The following GCG variants were observed in gnomAD, a reference collection of about 807,000 sequenced individuals.
GCG encodes glucagon, also known as pro-glucagon.
A neutral mutation model predicts 22.8 loss-of-function variants in GCG; 11 were observed. That is an observed-to-expected ratio of 0.48 (90% CI 0.30 to 0.80). The LOEUF (loss-of-function observed/expected upper bound fraction) is 0.80, where lower values mean the gene tolerates loss of function less well. Ranked by LOEUF, GCG falls within the 30% of genes least tolerant of loss-of-function variation. GCG has a pLI of 0.06. For synonymous variants in GCG, 89 were observed against 72.4 expected (o/e 1.23, Z -1.16); for missense variants, 222 against 222.0 (o/e 1.00, Z 0.00).
chr2:162,149,381 G>C (rs1208438341), intron 1 of GCG, among the ~76,000 whole-genome samples, 194 bp from the exon 2 acceptor site: 1 of 151,682 alleles, frequency 6.6e-6, no homozygotes. Context: ...AGATTTTTTG[G>C]AGGCAAAAAA....
intron 2 of GCG, among the ~76,000 whole-genome samples, chr2:162,147,934 A>C (rs1210658970): frequency 6.6e-6 from 1 of 152,118 alleles, no homozygotes; most frequent in African/African-American, 2.4e-5. Context: ...TGAAAACAGC[A>C]CAATTATCTA....
chr2:162,149,577 C>A (rs367662818), intron 1 of GCG, among the ~76,000 whole-genome samples: 1 of 152,110 alleles, frequency 6.6e-6, no homozygotes, highest in Non-Finnish European at 1.5e-5. Flanking sequence ...CATGCCACCC[C>A]CCTCACTATC....
intron 2 of GCG, 198 bp from the exon 3 acceptor site, chr2:162,147,712 A>T (rs74595309): frequency 2.4e-5 from 15 of 636,304 alleles, no homozygotes; most frequent in Non-Finnish European, 3.9e-5. Flanking sequence ...ATACGCTATT[A>T]TTCTGAATTC....
Position 162,147,478 on chromosome 2 carries a change from A to T in GCG, c.129T>A (p.Asp43Glu), listed in dbSNP as rs747188071. Residue 43 changes from aspartate to glutamate, a missense_variant, in exon 3 of 6, where the codon GAT (aspartate) becomes GAA (glutamate). Asp to Glu is a conservative substitution (Grantham distance 45). Coordinates refer to ENST00000418842, the MANE Select transcript of GCG (RefSeq NM_002054.5). ...GCTTGTCCTCGTTCATCTGATCAGG[A>T]TCACTGAGTGGGTCTGCCTGGGAAG... ...FSASQADPLSDPDQMNEDKRH... is the reference protein window; with the variant it reads ...FSASQADPLSEPDQMNEDKRH... The T allele has an allele frequency of 8.1e-6, 13 of 1,613,100 alleles. No homozygotes were observed. The highest frequency in any genetic ancestry group is 1.0e-5 in the Non-Finnish European group (12 of 1,179,388).
At chr2:162,146,302 A>T (rs559868421) in intron 3 of GCG, among the ~76,000 whole-genome samples, 1 of 152,238 alleles carries the variant, frequency 6.6e-6, no homozygotes, top group South Asian at 2.1e-4. Flanking sequence ...ACACTGCTTG[A>T]GTGTGAGGAT....
At chr2:162,143,923 G>T in intron 5 of GCG, 104 bp downstream of exon 5, 1 of 866,964 alleles carries the variant, frequency 1.2e-6, no homozygotes, top group South Asian at 1.4e-5. Flanking sequence ...TATATAATAA[G>T]AGATTATAGA....
At chr2:162,148,911 C>G (rs533094334) in intron 2 of GCG, among the ~76,000 whole-genome samples, 176 bp downstream of exon 2, 7 of 145,268 alleles carry the variant, frequency 4.8e-5, no homozygotes, top group Admixed American at 4.8e-4. Flanking sequence ...ATAAAAAACA[C>G]AAACTCTGAT....
chr2:162,147,246 C>T, intron 3 of GCG, 107 bp downstream of exon 3: 1 of 823,162 alleles, frequency 1.2e-6, no homozygotes, highest in Admixed American at 2.1e-5. Flanking sequence ...ATGATCAGGG[C>T]TTATGGGCAC....
rs1279453293 is a variant in GCG, at chr2:162,147,352, C to T, written c.254+1G>A. 2.5e-6 allele frequency: 4 copies of T among 1,611,144 alleles called. No individual in the cohort carries two copies. The South Asian group carries it at 3.3e-5, about 13-fold the overall frequency. ...GTTTTGAGCCAGGCTTAGACTCTTA[C>T]CTGTTCCTCTTGGTATTCATCAACC... On this transcript the variant is annotated splice_donor_variant, in intron 3 of 5. Coordinates refer to ENST00000418842, the MANE Select transcript of GCG (RefSeq NM_002054.5). LOFTEE classifies it high-confidence loss of function.
intron 4 of GCG, 162 bp downstream of exon 4, chr2:162,145,378 A>G: frequency 1.7e-6 from 1 of 590,248 alleles, no homozygotes; most frequent in Non-Finnish European, 2.7e-6. Context: ...CAAAAACAAA[A>G]TGGGTTTAAC....
chr2:162,145,773 T>A, intron 3 of GCG, 96 bp from the exon 4 acceptor site: 1 of 962,692 alleles, frequency 1.0e-6, no homozygotes, highest in Non-Finnish European at 1.6e-6. Flanking sequence ...GGATTCTATG[T>A]AGAAGGGGCT....
intron 3 of GCG, among the ~76,000 whole-genome samples, chr2:162,146,538 T>TTC (rs59717414): frequency 0.16 from 21,789 of 133,122 alleles, 1,886 homozygotes; most frequent in Middle Eastern, 0.24. Context: ...TGCTTGCTTG[T>TTC]TCTCTCTCTC....
chr2:162,151,595 A>T (rs1163156759), intron 1 of GCG, among the ~76,000 whole-genome samples: 1 of 152,162 alleles, frequency 6.6e-6, no homozygotes, highest in African/African-American at 2.4e-5. Flanking sequence ...CTCTGCACCA[A>T]GTACGCTATG....
At chr2:162,146,325 A>G (rs1297763611) in intron 3 of GCG, among the ~76,000 whole-genome samples, 1 of 152,090 alleles carries the variant, frequency 6.6e-6, no homozygotes, top group Admixed American at 6.6e-5. Context: ...CTTTACATCC[A>G]TTTACCAAGT....
rs374898963 is a variant in GCG, at chr2:162,147,334, G to T, written c.254+19C>A. On this transcript the variant is annotated intron_variant, in intron 3 of 5. Transcript: ENST00000418842. ...TAATACATTTATAAGCAAGTTTTGA[G>T]CCAGGCTTAGACTCTTACCTGTTCC... 1.3e-6 allele frequency: 2 copies of T among 1,589,476 alleles called. No homozygotes were observed. The highest frequency in any genetic ancestry group is 2.7e-5 in the African/African-American group (2 of 74,076).
chr2:162,145,843 T>G (rs1686670094), intron 3 of GCG, among the ~76,000 whole-genome samples, 166 bp from the exon 4 acceptor site: 1 of 152,176 alleles, frequency 6.6e-6, no homozygotes, highest in African/African-American at 2.4e-5. Flanking sequence ...ATTAATGTTC[T>G]GGATTGAAAC....
At chr2:162,149,263 G>C (rs1686774322) in intron 1 of GCG, 76 bp from the exon 2 acceptor site, 7 of 756,794 alleles carry the variant, frequency 9.2e-6, no homozygotes, top group Admixed American at 2.1e-5. Flanking sequence ...AAATTAATTA[G>C]ATTTGACTAG....
In GCG at chr2:162,145,637, C is replaced by CAT; in HGVS notation, c.293_294dup (p.Ala99MetfsTer10). ...ACATCACTGGTAAAGGTCCCTTCAG[C>CAT]ATGTCTCTCAAATTCATCGTGACGT... On this transcript the variant is annotated frameshift_variant, in exon 4 of 6. Transcript: ENST00000418842. LOFTEE classifies it high-confidence loss of function. 1 of 1,610,648 alleles carries CAT rather than the reference C, an allele frequency of 6.2e-7. No individual in the cohort carries two copies. The highest frequency in any genetic ancestry group is 8.5e-7 in the Non-Finnish European group (1 of 1,177,936).
chr2:162,148,431 T>C (rs984289350), intron 2 of GCG, among the ~76,000 whole-genome samples: 1 of 152,108 alleles, frequency 6.6e-6, no homozygotes, highest in African/African-American at 2.4e-5. Context: ...ACAAATATTG[T>C]ACATTTATGA....
Sources: allele counts gnomAD v4.1 joint callset (sites outside exome capture counted in the v4.1 genomes callset), GRCh38; gene constraint gnomAD v4.1.1; transcripts MANE v1.5; gene names NCBI Gene and HGNC (gene_info 2026-07-23, HGNC 2026-07-21).